PLXNA4: variants seen among roughly 807,000 people sequenced by gnomAD.
PLXNA4 encodes plexin A4.
A neutral mutation model predicts 191.8 loss-of-function variants in PLXNA4; 44 were observed. The observed-to-expected ratio is 0.23, with a 90% CI of 0.18 to 0.29. PLXNA4 has a LOEUF of 0.29. PLXNA4 is among the 10% of genes least tolerant of loss of function. The pLI is 1.00. For synonymous variants in PLXNA4, 1,082 were observed against 1,009.5 expected, an observed-to-expected ratio of 1.07 and a Z score of -1.36; for missense variants, 1,800 against 2,488.8, an observed-to-expected ratio of 0.72 and a Z score of 5.89.
chr7:132,420,454 C>T (rs1395063005), intron 3 of PLXNA4, among the ~76,000 whole-genome samples: 4 of 152,318 alleles, frequency 2.6e-5, no homozygotes, highest in Non-Finnish European at 5.9e-5. Flanking sequence ...TACCTAGCCT[C>T]AGGCTCCAGC....
chr7:132,330,088 G>C (rs756717952), intron 3 of PLXNA4, among the ~76,000 whole-genome samples: 20 of 152,174 alleles, frequency 1.3e-4, no homozygotes, highest in Non-Finnish European at 2.2e-4. Context: ...GATTTCCCTG[G>C]GCTGATTTTT....
intron 22 of PLXNA4, among the ~76,000 whole-genome samples, chr7:132,167,720 T>A (rs1796163496): frequency 6.6e-6 from 1 of 152,132 alleles, no homozygotes; most frequent in African/African-American, 2.4e-5. Flanking sequence ...TATTTTATTC[T>A]TGTAGAGATG....
chr7:132,297,731 G>T (rs1801142766), intron 4 of PLXNA4, among the ~76,000 whole-genome samples: 1 of 152,198 alleles, frequency 6.6e-6, no homozygotes, highest in Non-Finnish European at 1.5e-5. Context: ...GGCCAGGAAG[G>T]TGACTTTGGT....
intron 3 of PLXNA4, among the ~76,000 whole-genome samples, chr7:132,342,435 A>G (rs1369334853): frequency 6.6e-6 from 1 of 151,978 alleles, no homozygotes; most frequent in African/African-American, 2.4e-5. Context: ...GTTATTATAA[A>G]TTAAGCTGGG....
At chr7:132,191,818 C>CTATATA (rs568486212) in intron 14 of PLXNA4, among the ~76,000 whole-genome samples, 9 of 133,670 alleles carry the variant, frequency 6.7e-5, no homozygotes, top group African/African-American at 2.6e-4. Flanking sequence ...ATATCATATA[C>CTATATA]TATATATATA....
intron 3 of PLXNA4, among the ~76,000 whole-genome samples, chr7:132,476,144 G>A (rs975089005): frequency 1.3e-5 from 2 of 152,120 alleles, no homozygotes; most frequent in Admixed American, 1.3e-4. Context: ...ATGGAGAGGG[G>A]ATACAGAATC....
intron 3 of PLXNA4, among the ~76,000 whole-genome samples, chr7:132,395,427 CAG>C (rs370220519): frequency 5.9e-5 from 9 of 152,210 alleles, no homozygotes; most frequent in African/African-American, 2.2e-4. Context: ...GGAGGGACCC[CAG>C]AGAGAGTCCT....
intron 1 of PLXNA4, among the ~76,000 whole-genome samples, chr7:132,563,442 TTCCTCC>T (rs1424906923): frequency 7.5e-5 from 4 of 53,488 alleles, no homozygotes; most frequent in African/African-American, 8.1e-5. Flanking sequence ...CCTCCTCCTC[TTCCTCC>T]TCCTCCTCCT....
intron 2 of PLXNA4, among the ~76,000 whole-genome samples, chr7:132,613,767 A>G (rs1249507212): frequency 6.6e-6 from 1 of 152,234 alleles, no homozygotes; most frequent in Non-Finnish European, 1.5e-5. Context: ...GGCCACAAGG[A>G]CCTACAGTAT....
At chr7:132,192,573 G>A (rs77615282) in intron 14 of PLXNA4, among the ~76,000 whole-genome samples, 3,401 of 152,004 alleles carry the variant, frequency 0.022, 55 homozygotes, top group Middle Eastern at 0.048. Flanking sequence ...AGGAAAGAGG[G>A]AGACAGAGAG....
At chr7:132,166,244 G>T (rs1158666913) in intron 22 of PLXNA4, among the ~76,000 whole-genome samples, 1 of 150,942 alleles carries the variant, frequency 6.6e-6, no homozygotes, top group Non-Finnish European at 1.5e-5. Flanking sequence ...TATGGCAAAA[G>T]ATTCCACATC....
In PLXNA4 at chr7:132,305,369, C is replaced by CACACACACACAT. The variant is rs1487591183; in HGVS notation, c.1372-7148_1372-7147insATGTGTGTGTGT. 9.3e-5 allele frequency among the ~76,000 whole-genome samples: 13 copies of CACACACACACAT among 140,328 alleles called. No individual in the cohort carries two copies. In the East Asian group the frequency reaches 2.4e-3, roughly 26 times the overall value. 92.1% of individuals were successfully genotyped at this position (140,328 alleles called of 152,430 possible). ...ACATGCAGCTTACCAAGAACACACA[C>CACACACACACAT]ACACACACACACACACACACACACA... On this transcript the variant is annotated intron_variant, in intron 3 of 31. Transcript: ENST00000321063.
chr7:132,261,507 T>C (rs1368069151), intron 4 of PLXNA4, among the ~76,000 whole-genome samples: 3 of 152,234 alleles, frequency 2.0e-5, no homozygotes, highest in Non-Finnish European at 2.9e-5. Flanking sequence ...TGTCTGCTGC[T>C]GCCAGTGTCA....
At chr7:132,638,795 G>C (rs533334794) in intron 2 of PLXNA4, among the ~76,000 whole-genome samples, 121 of 152,238 alleles carry the variant, frequency 7.9e-4, no homozygotes, top group Non-Finnish European at 1.3e-3. Flanking sequence ...GAAGCATCTT[G>C]AGCTTAGAGG....
intron 3 of PLXNA4, among the ~76,000 whole-genome samples, chr7:132,428,075 C>A (rs1795119414): frequency 6.6e-6 from 1 of 152,162 alleles, no homozygotes; most frequent in African/African-American, 2.4e-5. Context: ...AGGGACACTG[C>A]AGGAAAGCCT....
At chr7:132,403,651 C>G (rs1044168515) in intron 3 of PLXNA4, among the ~76,000 whole-genome samples, 2 of 152,158 alleles carry the variant, frequency 1.3e-5, no homozygotes, top group Admixed American at 1.3e-4. Context: ...TCCACTCTCT[C>G]TCTCCAACCT....
chr7:132,183,556 A>G (rs1012326391), intron 16 of PLXNA4, among the ~76,000 whole-genome samples: 1 of 152,226 alleles, frequency 6.6e-6, no homozygotes, highest in African/African-American at 2.4e-5. Context: ...TGACACCTCT[A>G]TTTCTATGAG....
chr7:132,344,554 G>A (rs542250190), intron 3 of PLXNA4, among the ~76,000 whole-genome samples: 79 of 151,888 alleles, frequency 5.2e-4, no homozygotes, highest in Non-Finnish European at 9.0e-4. Flanking sequence ...TCCAATGAGG[G>A]CCAGCATCCA....
chr7:132,522,642 C>T (rs1025659388), intron 1 of PLXNA4, among the ~76,000 whole-genome samples: 11 of 152,206 alleles, frequency 7.2e-5, no homozygotes, highest in African/African-American at 2.4e-4. Flanking sequence ...CATGGTGGCA[C>T]ATACCTGCAT....
Sources: allele counts gnomAD v4.1 joint callset (sites outside exome capture counted in the v4.1 genomes callset), GRCh38; gene constraint gnomAD v4.1.1; transcripts MANE v1.5; gene names NCBI Gene and HGNC (gene_info 2026-07-23, HGNC 2026-07-21).